The following NDUFA9 variants were observed in gnomAD, a reference collection of about 807,000 sequenced individuals.
NDUFA9 encodes NADH dehydrogenase [ubiquinone] 1 alpha subcomplex subunit 9, mitochondrial.
A neutral mutation model predicts 45.9 loss-of-function variants in NDUFA9; 23 were observed. That is an observed-to-expected ratio of 0.50 (90% confidence interval 0.36 to 0.71). NDUFA9 has a LOEUF of 0.71. Ranked by LOEUF, NDUFA9 falls within the 30% of genes least tolerant of loss-of-function variation. The pLI is 0.00. For synonymous variants in NDUFA9, 176 were observed against 170.5 expected (o/e 1.03, Z -0.25); for missense variants, 466 against 488.2 (o/e 0.95, Z 0.43).
intron 2 of NDUFA9, among the ~76,000 whole-genome samples, 159 bp downstream of exon 2, chr12:4,654,621 C>G (rs1162066700): frequency 1.3e-5 from 2 of 150,690 alleles, no homozygotes; most frequent in African/African-American, 4.9e-5. Flanking sequence ...AGAGCACACT[C>G]ATGCTCCTAT....
chr12:4,682,627 G>A (rs1218904870), intron 9 of NDUFA9, among the ~76,000 whole-genome samples: 3 of 152,200 alleles, frequency 2.0e-5, no homozygotes, highest in Non-Finnish European at 4.4e-5. Context: ...GGGCAGTCAG[G>A]TTCCCCTGTG....
intron 6 of NDUFA9, chr12:4,667,513 T>G (rs1945859782): frequency 8.9e-5 from 2 of 22,598 alleles, no homozygotes; most frequent in Admixed American, 4.5e-4. Context: ...ATTTCTACTC[T>G]TTTTTTTTTT....
chr12:4,684,808 A>T (rs1362959803), intron 9 of NDUFA9, among the ~76,000 whole-genome samples: 3 of 145,570 alleles, frequency 2.1e-5, no homozygotes, highest in Non-Finnish European at 3.0e-5. Flanking sequence ...TTGCTTTTGG[A>T]TTTTTTTTTT....
At chr12:4,659,380 G>C (rs1389087714) in intron 5 of NDUFA9, among the ~76,000 whole-genome samples, 2 of 152,184 alleles carry the variant, frequency 1.3e-5, no homozygotes, top group Non-Finnish European at 2.9e-5. Context: ...ACTGTGCTAT[G>C]GGGCTTCGGA....
At chr12:4,677,631 A>C (rs1945927843) in intron 8 of NDUFA9, among the ~76,000 whole-genome samples, 1 of 152,334 alleles carries the variant, frequency 6.6e-6, no homozygotes, top group South Asian at 2.1e-4. Context: ...CAATCATTAA[A>C]ATGTCAGGAA....
intron 1 of NDUFA9, chr12:4,653,765 A>G (rs1213563017): frequency 3.0e-6 from 1 of 332,008 alleles, no homozygotes; most frequent in African/African-American, 2.2e-5. Flanking sequence ...AGTATCATCA[A>G]CCTTATTTTT....
chr12:4,676,150 A>G (rs1945918558), intron 8 of NDUFA9, among the ~76,000 whole-genome samples: 1 of 152,218 alleles, frequency 6.6e-6, no homozygotes, highest in Non-Finnish European at 1.5e-5. Context: ...TCAAAATAAT[A>G]AGAGCTATTT....
intron 8 of NDUFA9, among the ~76,000 whole-genome samples, chr12:4,679,916 C>G (rs34214125): frequency 0.14 from 21,603 of 152,096 alleles, 1,707 homozygotes; most frequent in Middle Eastern, 0.21. Context: ...GGAGCAAAGT[C>G]CTTCAGGAAT....
At chr12:4,670,672 T>C (rs1206513313) in intron 8 of NDUFA9, among the ~76,000 whole-genome samples, 1 of 152,208 alleles carries the variant, frequency 6.6e-6, no homozygotes, top group African/African-American at 2.4e-5. Context: ...TTTTTTTCAG[T>C]GTGAAAGTCT....
intron 8 of NDUFA9, among the ~76,000 whole-genome samples, chr12:4,679,896 C>T (rs946855555): frequency 2.0e-5 from 3 of 151,876 alleles, no homozygotes; most frequent in African/African-American, 7.3e-5. Flanking sequence ...GAGATGAGGC[C>T]GACAGAAAAG....
At chr12:4,657,982 C>T (rs1565565562) in intron 4 of NDUFA9, 143 bp downstream of exon 4, 1 of 674,472 alleles carries the variant, frequency 1.5e-6, no homozygotes, top group South Asian at 1.7e-5. Flanking sequence ...CACTTGCATA[C>T]CCAGTGACAC....
chr12:4,667,925 A>C (rs1002886806), intron 6 of NDUFA9, among the ~76,000 whole-genome samples: 1 of 152,234 alleles, frequency 6.6e-6, no homozygotes, highest in African/African-American at 2.4e-5. Flanking sequence ...TATGGTGAGA[A>C]CTAAGACATT....
chr12:4,652,808 T>C (rs1413907521), intron 1 of NDUFA9, among the ~76,000 whole-genome samples: 1 of 152,228 alleles, frequency 6.6e-6, no homozygotes, highest in Non-Finnish European at 1.5e-5. Flanking sequence ...TAATATGATG[T>C]TATTATTTTG....
intron 5 of NDUFA9, among the ~76,000 whole-genome samples, chr12:4,660,517 G>A (rs372049506): frequency 2.3e-4 from 35 of 152,270 alleles, no homozygotes; most frequent in African/African-American, 7.7e-4. Flanking sequence ...GTTAATTTAA[G>A]TGATGAGAGA....
At chr12:4,685,409 G>A (rs1238863146) in intron 10 of NDUFA9, 84 bp downstream of exon 10, 21 of 1,291,082 alleles carry the variant, frequency 1.6e-5, no homozygotes, top group East Asian at 4.7e-5. Flanking sequence ...CTTGTTTCCC[G>A]GCCCTTGTCT....
At position 4,687,734 on chromosome 12, in the gene NDUFA9, T is replaced by C. The variant is rs1945996190; in HGVS notation, c.*626T>C. ...TAGGTGGAGATAGATTCTCTTCACA[T>C]GCAAAGGAGATGCTTCAGCTTCTAT... On this transcript the variant is annotated 3_prime_UTR_variant, in exon 11 of 11. Transcript: ENST00000266544. The C allele has an allele frequency of 1.3e-5, 2 of 152,332 alleles. No individual in the cohort carries two copies. Among genetic ancestry groups the C allele is most frequent in the South Asian group, 2.1e-4 (1 of 4,826 alleles). The allele number at this position is 152,332 out of a possible 1,614,324, so 9.4% of individuals were successfully genotyped here.
chr12:4,668,874 A>G (rs928071660), intron 7 of NDUFA9, among the ~76,000 whole-genome samples: 2 of 152,244 alleles, frequency 1.3e-5, no homozygotes, highest in African/African-American at 4.8e-5. Flanking sequence ...GAGTGCTATG[A>G]TAAGGAGAGG....
rs375511497 is a variant in NDUFA9 at position 4,668,466 on chromosome 12, G to C, written c.665G>C (p.Arg222Pro). The part of the protein sequence containing the change: ...RFLNSFASMH[R>P]FGPIPLGSLG... ...TTCTTTCTTCCGCTAGGTATGCATCGGTTTGGTCCTATACCCCTTGGTTCC... is the reference window on the plus strand; with the variant it reads ...TTCTTTCTTCCGCTAGGTATGCATCCGTTTGGTCCTATACCCCTTGGTTCC... Residue 222 changes from arginine (R) to proline (P), a missense_variant, in exon 7 of 11, where the codon CGG becomes CCG. Transcript: ENST00000266544. The C allele has an allele frequency of 6.8e-6, 11 of 1,613,116 alleles. No homozygotes were observed. Among genetic ancestry groups the C allele is most frequent in the Non-Finnish European group, 9.3e-6 (11 of 1,179,296 alleles).
chr12:4,686,832 T>G (rs1373007492), intron 10 of NDUFA9, 106 bp from the exon 11 acceptor site: 2 of 1,067,894 alleles, frequency 1.9e-6, no homozygotes, highest in Non-Finnish European at 2.6e-6. Context: ...CAATTAAGTC[T>G]CAATAATAGG....
Sources: allele counts gnomAD v4.1 joint callset (sites outside exome capture counted in the v4.1 genomes callset), GRCh38; gene constraint gnomAD v4.1.1; transcripts MANE v1.5; gene names NCBI Gene and HGNC (gene_info 2026-07-23, HGNC 2026-07-21).